Variants in RAB3IP observed in about 807,000 individuals in gnomAD.
RAB3IP encodes the protein RAB3A interacting protein.
In RAB3IP, 36 loss-of-function variants were observed where a neutral mutation model predicts 59.1. The observed-to-expected ratio is 0.61, with a 90% confidence interval of 0.47 to 0.80. The LOEUF is 0.80. RAB3IP is among the 30% of genes least tolerant of loss of function. The pLI, the probability that RAB3IP is intolerant of heterozygous loss-of-function variation, is 0.00. For missense variants in RAB3IP, 511 were observed against 536.0 expected (o/e 0.95, Z 0.46); for synonymous variants, 207 against 191.2 (o/e 1.08, Z -0.68).
At chr12:69,800,418 A>G in intron 7 of RAB3IP, 81 bp downstream of exon 7, 1 of 805,150 alleles carries the variant, frequency 1.2e-6, no homozygotes, top group South Asian at 2.6e-5. Context: ...ACATATTTTA[A>G]TATCTCTTAC....
intron 4 of RAB3IP, among the ~76,000 whole-genome samples, chr12:69,786,672 C>T (rs750833024): frequency 6.6e-6 from 1 of 152,182 alleles, no homozygotes; most frequent in East Asian, 1.9e-4. Context: ...ATTTAGCTAG[C>T]CCTGCTTAGT....
chr12:69,795,031 A>G (rs1405779086), intron 5 of RAB3IP, 110 bp from the exon 6 acceptor site: 11 of 807,338 alleles, frequency 1.4e-5, no homozygotes, highest in Non-Finnish European at 2.1e-5. Context: ...GGAAATACAA[A>G]TTAAACTTAC....
chr12:69,771,769 G>A (rs1873161533), intron 3 of RAB3IP, among the ~76,000 whole-genome samples: 1 of 152,214 alleles, frequency 6.6e-6, no homozygotes, highest in South Asian at 2.1e-4. Flanking sequence ...AACACTGTAT[G>A]AAAGATTTCC....
intron 4 of RAB3IP, among the ~76,000 whole-genome samples, chr12:69,786,411 AT>A (rs1226556314): frequency 6.6e-6 from 1 of 152,096 alleles, no homozygotes. Context: ...CTGTTTATTT[AT>A]TTAGCTAGCT....
chr12:69,799,569 C>T (rs1184987163), intron 6 of RAB3IP, among the ~76,000 whole-genome samples: 1 of 152,018 alleles, frequency 6.6e-6, no homozygotes, highest in African/African-American at 2.4e-5. Context: ...TCAAAAATAT[C>T]TAAATAAATG....
intron 8 of RAB3IP, among the ~76,000 whole-genome samples, chr12:69,803,482 T>G (rs1878713045): frequency 1.3e-5 from 2 of 149,088 alleles, no homozygotes; most frequent in South Asian, 4.2e-4. Flanking sequence ...TTGGTTTAAG[T>G]TTTTTTTTTA....
chr12:69,811,645 GTAGT>G (rs1372385047), intron 8 of RAB3IP, among the ~76,000 whole-genome samples: 1 of 152,098 alleles, frequency 6.6e-6, no homozygotes, highest in Non-Finnish European at 1.5e-5. Context: ...CCCCAAGCTA[GTAGT>G]TAGTGCTTTT....
At chr12:69,740,244 T>C (rs1200567853) in intron 1 of RAB3IP, among the ~76,000 whole-genome samples, 2 of 152,174 alleles carry the variant, frequency 1.3e-5, no homozygotes, top group Admixed American at 1.3e-4. Flanking sequence ...GTAGTAAATA[T>C]TTGATACTGT....
intron 4 of RAB3IP, among the ~76,000 whole-genome samples, chr12:69,788,689 C>T (rs894743945): frequency 3.3e-5 from 5 of 152,058 alleles, no homozygotes; most frequent in Admixed American, 6.6e-5. Context: ...AACTGCATAA[C>T]GCTATAGACC....
chr12:69,778,414 T>C (rs1179554810), intron 3 of RAB3IP, among the ~76,000 whole-genome samples: 2 of 129,548 alleles, frequency 1.5e-5, no homozygotes, highest in Non-Finnish European at 3.3e-5. Context: ...TTCTCTCAGC[T>C]CGTCAAAATC....
chr12:69,808,955 G>A (rs886341922), intron 8 of RAB3IP, among the ~76,000 whole-genome samples: 1 of 151,798 alleles, frequency 6.6e-6, no homozygotes, highest in Admixed American at 6.6e-5. Flanking sequence ...ATGTTAGCTG[G>A]TTATTTTGCT....
chr12:69,766,334 G>A (rs947956379), intron 3 of RAB3IP, among the ~76,000 whole-genome samples: 1 of 151,980 alleles, frequency 6.6e-6, no homozygotes. Context: ...ATTTCTCAAC[G>A]ACTTTGTTCA....
At chr12:69,746,120 A>G (rs1868333512) in intron 1 of RAB3IP, among the ~76,000 whole-genome samples, 2 of 152,204 alleles carry the variant, frequency 1.3e-5, no homozygotes, top group African/African-American at 4.8e-5. Context: ...TGACCTTGGC[A>G]TTAGATCAGA....
intron 1 of RAB3IP, among the ~76,000 whole-genome samples, chr12:69,744,272 A>T (rs1221612936): frequency 2.0e-5 from 3 of 152,106 alleles, no homozygotes; most frequent in African/African-American, 4.8e-5. Flanking sequence ...TTACAAATAA[A>T]TATTTGTAAT....
In RAB3IP at chr12:69,823,141, A is replaced by T. The variant is rs192870943; in HGVS notation, c.*7695A>T. On this transcript the variant is annotated 3_prime_UTR_variant, in exon 11 of 11. Coordinates refer to ENST00000247833, the MANE Select transcript of RAB3IP (RefSeq NM_022456.5). The stretch of plus-strand genomic sequence containing the variant: ...GTATGGAAATATCATTGTGTACCCC[A>T]TGAATATGGGCAATTATTATTTGTT... The T allele has an allele frequency of 7.2e-4, 110 of 152,302 alleles. No individual in the cohort carries two copies. Among genetic ancestry groups the T allele is most frequent in the African/African-American group, 2.5e-3 (105 of 41,570 alleles). 9.4% of individuals were successfully genotyped at this position (152,302 alleles called of 1,614,324 possible).
At chr12:69,789,765 C>T (rs1203385139) in intron 4 of RAB3IP, among the ~76,000 whole-genome samples, 1 of 152,028 alleles carries the variant, frequency 6.6e-6, no homozygotes, top group Non-Finnish European at 1.5e-5. Flanking sequence ...CCCTGGGATG[C>T]AAGGATGCAT....
intron 8 of RAB3IP, among the ~76,000 whole-genome samples, chr12:69,808,487 G>T (rs964637877): frequency 9.2e-5 from 14 of 151,696 alleles, no homozygotes; most frequent in South Asian, 2.1e-4. Context: ...ACACAGTGGG[G>T]TTGTTGACAG....
chr12:69,804,838 C>G (rs1391873685), intron 8 of RAB3IP, among the ~76,000 whole-genome samples: 1 of 152,178 alleles, frequency 6.6e-6, no homozygotes, highest in Non-Finnish European at 1.5e-5. Context: ...GGGCTCTGTT[C>G]TGTTCCATTG....
At chr12:69,813,298 T>G (rs1318892473) in intron 10 of RAB3IP, among the ~76,000 whole-genome samples, 1 of 152,142 alleles carries the variant, frequency 6.6e-6, no homozygotes, top group Non-Finnish European at 1.5e-5. Context: ...TTTTAACTCA[T>G]AAGGGGTATA....
Sources: gnomAD v4.1 joint callset for allele counts (sites outside exome capture counted in the v4.1 genomes callset) on GRCh38, gnomAD v4.1.1 for gene constraint, MANE v1.5 for transcripts, NCBI Gene and HGNC (gene_info 2026-07-23, HGNC 2026-07-21) for gene names.